Variants in PDE4B observed in about 807,000 individuals in gnomAD.
PDE4B encodes phosphodiesterase 4B.
Under a neutral mutation model 82.2 loss-of-function variants are expected in PDE4B, and 20 were observed. That is an observed-to-expected ratio of 0.24 (90% CI 0.17 to 0.35). The LOEUF is 0.35. PDE4B is among the 10% of genes least tolerant of loss of function. The pLI is 1.00. For missense variants in PDE4B, 655 were observed against 907.2 expected, an observed-to-expected ratio of 0.72 and a Z score of 3.57; for synonymous variants, 320 against 318.9, an observed-to-expected ratio of 1.00 and a Z score of -0.04.
chr1:66,198,907 A>C (rs905527263), intron 3 of PDE4B, among the ~76,000 whole-genome samples: 1 of 152,028 alleles, frequency 6.6e-6, no homozygotes, highest in Admixed American at 6.6e-5. Flanking sequence ...GATGATTTCA[A>C]GTTTCATCCA....
intron 3 of PDE4B, among the ~76,000 whole-genome samples, chr1:66,047,008 A>T (rs767226047): frequency 2.6e-5 from 4 of 151,890 alleles, no homozygotes; most frequent in African/African-American, 7.2e-5. Context: ...AATAAATAGG[A>T]TTTTATAAAT....
chr1:66,076,805 T>C (rs1345265240), intron 3 of PDE4B, among the ~76,000 whole-genome samples: 1 of 152,192 alleles, frequency 6.6e-6, no homozygotes, highest in East Asian at 1.9e-4. Flanking sequence ...GATACTTGTA[T>C]TTCTTCCTTG....
chr1:66,052,187 A>C (rs1655066188), intron 3 of PDE4B, among the ~76,000 whole-genome samples: 1 of 152,238 alleles, frequency 6.6e-6, no homozygotes, highest in Non-Finnish European at 1.5e-5. Context: ...TATTACAAGT[A>C]AAATATCATA....
At chr1:66,117,652 A>T (rs188523167) in intron 3 of PDE4B, among the ~76,000 whole-genome samples, 2 of 151,976 alleles carry the variant, frequency 1.3e-5, no homozygotes, top group African/African-American at 2.4e-5. Context: ...TGAGTACTCA[A>T]TTTTTCATTG....
intron 3 of PDE4B, among the ~76,000 whole-genome samples, chr1:66,196,074 C>T (rs1442891174): frequency 1.3e-5 from 2 of 152,180 alleles, no homozygotes; most frequent in African/African-American, 4.8e-5. Context: ...GTATTGATTG[C>T]ATGATAATGA....
intron 1 of PDE4B, among the ~76,000 whole-genome samples, chr1:65,825,585 C>T (rs1206185119): frequency 1.3e-5 from 2 of 152,054 alleles, no homozygotes; most frequent in African/African-American, 4.8e-5. Context: ...GTGGCTCACA[C>T]CTGTAATCCC....
chr1:65,942,086 G>C (rs61799395), intron 3 of PDE4B, among the ~76,000 whole-genome samples: 21,809 of 151,960 alleles, frequency 0.14, 2,050 homozygotes, highest in Non-Finnish European at 0.21. Context: ...ACAAAATTCC[G>C]TTCCATAGCC....
intron 7 of PDE4B, among the ~76,000 whole-genome samples, chr1:66,288,417 C>T (rs1656837996): frequency 6.6e-6 from 1 of 152,128 alleles, no homozygotes; most frequent in South Asian, 2.1e-4. Context: ...AACCATATCA[C>T]AAACCTACTT....
intron 3 of PDE4B, among the ~76,000 whole-genome samples, chr1:66,207,859 T>C (rs1649683504): frequency 6.6e-6 from 1 of 152,216 alleles, no homozygotes; most frequent in African/African-American, 2.4e-5. Flanking sequence ...TTTTATATCC[T>C]GAAATTAAGT....
chr1:66,295,975 C>T (rs970536936), intron 7 of PDE4B, among the ~76,000 whole-genome samples: 6 of 152,096 alleles, frequency 3.9e-5, no homozygotes, highest in Admixed American at 6.6e-5. Flanking sequence ...CTTCACGTGT[C>T]GCCCTCTCTG....
At chr1:65,897,002 A>T (rs1646918136) in intron 1 of PDE4B, among the ~76,000 whole-genome samples, 2 of 152,140 alleles carry the variant, frequency 1.3e-5, no homozygotes, top group Non-Finnish European at 2.9e-5. Flanking sequence ...ACTTAACTGA[A>T]ATGGTGGGAT....
rs188827704 is a variant in PDE4B, at chr1:65,872,333, C to A, written c.-70-40912C>A. Among the ~76,000 whole-genome samples, 755 of 151,994 alleles carry A rather than the reference C, an allele frequency of 5.0e-3. 5 individuals carry two copies. Among genetic ancestry groups the A allele is most frequent in the African/African-American group, 0.017 (720 of 41,466 alleles). On this transcript the variant is annotated intron_variant, in intron 1 of 16. Transcript: ENST00000341517. Reference sequence around the variant, plus strand: ...TTAATAATTAATGACAAATAATGAACTGCAGTCAGGAGACAGATTCTGGCC... The same window carrying A: ...TTAATAATTAATGACAAATAATGAAATGCAGTCAGGAGACAGATTCTGGCC...
chr1:66,351,897 A>G (rs1414463958), intron 8 of PDE4B, among the ~76,000 whole-genome samples: 1 of 152,120 alleles, frequency 6.6e-6, no homozygotes, highest in East Asian at 1.9e-4. Flanking sequence ...CTATTTCTTA[A>G]TGTGTCTCAT....
chr1:66,363,391 C>A lies in PDE4B; in HGVS notation c.1120-16C>A. Reference sequence around the variant, plus strand: ...GACATCTACTTATTTATGTTCTAATCCATTTTACAACACAGGAAAGAGACC... The same window carrying A: ...GACATCTACTTATTTATGTTCTAATACATTTTACAACACAGGAAAGAGACC... On this transcript the variant is annotated splice_polypyrimidine_tract_variant and intron_variant, in intron 11 of 16. Coordinates refer to ENST00000341517, the MANE Select transcript of PDE4B (RefSeq NM_002600.4). 2 of 1,599,026 alleles carry A rather than the reference C, an allele frequency of 1.3e-6. No homozygotes were observed. The highest frequency in any genetic ancestry group is 1.7e-6 in the Non-Finnish European group (2 of 1,170,172).
chr1:66,126,525 C>T (rs758601969), intron 3 of PDE4B, among the ~76,000 whole-genome samples: 2 of 152,038 alleles, frequency 1.3e-5, no homozygotes, highest in Non-Finnish European at 2.9e-5. Context: ...TTCAGAAAAC[C>T]TAGAACAAAA....
intron 1 of PDE4B, among the ~76,000 whole-genome samples, chr1:65,805,991 T>C (rs1490849437): frequency 1.3e-5 from 2 of 152,320 alleles, no homozygotes; most frequent in East Asian, 1.9e-4. Flanking sequence ...TCTTTCTGGA[T>C]ACTGTACTCT....
chr1:65,922,984 C>T (rs1468261404), intron 3 of PDE4B, among the ~76,000 whole-genome samples: 1 of 152,096 alleles, frequency 6.6e-6, no homozygotes, highest in African/African-American at 2.4e-5. Flanking sequence ...GACCACTGCC[C>T]TTTTGAGTAT....
chr1:65,914,970 A>C (rs891593467), intron 2 of PDE4B, among the ~76,000 whole-genome samples: 1 of 152,220 alleles, frequency 6.6e-6, no homozygotes, highest in Non-Finnish European at 1.5e-5. Context: ...TTGGATTTTG[A>C]ATATACAGTG....
At chr1:66,279,366 G>C (rs908157698) in intron 7 of PDE4B, among the ~76,000 whole-genome samples, 1 of 152,106 alleles carries the variant, frequency 6.6e-6, no homozygotes, top group African/African-American at 2.4e-5. Context: ...CTCTGATTGT[G>C]AGTTTAAACC....
Sources: allele counts gnomAD v4.1 joint callset (sites outside exome capture counted in the v4.1 genomes callset), GRCh38; gene constraint gnomAD v4.1.1; transcripts MANE v1.5; gene names NCBI Gene and HGNC (gene_info 2026-07-23, HGNC 2026-07-21).